Variants in RASSF6 observed in about 807,000 individuals in gnomAD.
RASSF6 encodes the protein ras association domain-containing protein 6.
A neutral mutation model predicts 44.0 loss-of-function variants in RASSF6; 52 were observed. That is an observed-to-expected ratio of 1.18 (90% CI 0.95 to 1.49). The LOEUF (loss-of-function observed/expected upper bound fraction) is 1.49. Ranked by LOEUF, RASSF6 falls within the 40% of genes most tolerant of loss-of-function variation. The probability of loss-of-function intolerance (pLI) is 0.00; values close to 1 mark genes in which losing one functional copy is unlikely to be tolerated. For synonymous variants in RASSF6, 162 were observed against 124.6 expected, an observed-to-expected ratio of 1.30 and a Z score of -2.00; for missense variants, 464 against 393.3, an observed-to-expected ratio of 1.18 and a Z score of -1.52.
At position 73,576,503 on chromosome 4, in the gene RASSF6, G is replaced by C; in HGVS notation, c.845C>G (p.Ala282Gly). 6.4e-7 allele frequency: 1 copy of C among 1,571,596 alleles called. No homozygotes were observed. Among genetic ancestry groups the C allele is most frequent in the South Asian group, 1.2e-5 (1 of 85,138 alleles). ...AGAAAAGTGAAAGTTAATGTACTGA[G>C]CCACCTAAGAAAGAAGAAGAAGAAA... is the stretch of plus-strand genomic sequence containing the variant. ...KDAEEISSDV[A>G]QYINFHFSLL... The change falls in exon 10 of 11, where the codon GCT becomes GGT. Residue 282 changes from alanine (A) to glycine (G), a missense_variant. By Grantham distance (60) the Ala-to-Gly change is moderately conservative (BLOSUM62 0). Transcript: ENST00000307439.
intron 2 of RASSF6, among the ~76,000 whole-genome samples, chr4:73,604,892 T>C (rs1725523526): frequency 6.6e-6 from 1 of 150,582 alleles, no homozygotes; most frequent in East Asian, 1.9e-4. Flanking sequence ...TTCTTTTTTT[T>C]TTTTTTTGTT....
At chr4:73,600,993 G>A (rs1725247942) in intron 2 of RASSF6, among the ~76,000 whole-genome samples, 2 of 152,188 alleles carry the variant, frequency 1.3e-5, no homozygotes, top group South Asian at 2.1e-4. Flanking sequence ...AAACTTCAGG[G>A]ACACTTGGGA....
At position 73,593,544 on chromosome 4, in the gene RASSF6, C is replaced by A; in HGVS notation, c.194G>T (p.Gly65Val). ...TTTTAGCTGTATAGGTCGTTTTACT[C>A]CCCAGAAAATGTCCAGCATTCCTTC... ...IVEGMLDIFW[G>V]VKRPIQLKIQ... is the part of the protein sequence containing the mutation. Residue 65 changes from glycine to valine, a missense_variant, in exon 4 of 11, where the codon GGA becomes GTA. By Grantham distance (109) the Gly-to-Val change is moderately radical. Transcript: ENST00000307439. 6.2e-7 allele frequency: 1 copy of A among 1,613,412 alleles called. No individual in the cohort carries two copies. The highest frequency in any genetic ancestry group is 8.5e-7 in the Non-Finnish European group (1 of 1,179,742).
At chr4:73,598,168 T>C (rs1234768607) in intron 3 of RASSF6, among the ~76,000 whole-genome samples, 1 of 152,252 alleles carries the variant, frequency 6.6e-6, no homozygotes, top group Admixed American at 6.5e-5. Context: ...CTTTCTTTAA[T>C]ATTTCAAAAT....
rs1722933064 is a variant in RASSF6, at chr4:73,571,752, A to G, written c.*4483T>C. The stretch of plus-strand genomic sequence containing the variant: ...ACAATATTAGGTACAGAAAAGCTAT[A>G]AAGATAAATGTGACACATTCTTTAC... On this transcript the variant is annotated 3_prime_UTR_variant, in exon 11 of 11. Transcript: ENST00000307439. 1 of 151,984 alleles carries G rather than the reference A, an allele frequency of 6.6e-6. No individual in the cohort carries two copies. The highest frequency in any genetic ancestry group is 1.5e-5 in the Non-Finnish European group (1 of 67,980). 9.4% of individuals were successfully genotyped at this position (151,984 alleles called of 1,614,324 possible). A position where few individuals can be genotyped will look rare whatever the true frequency, so the allele number is the denominator to read the frequency against.
At chr4:73,617,468 G>T (rs1206380079) in intron 1 of RASSF6, among the ~76,000 whole-genome samples, 1 of 152,186 alleles carries the variant, frequency 6.6e-6, no homozygotes, top group Non-Finnish European at 1.5e-5. Context: ...TACTGGTGTG[G>T]TGGAACTCAA....
intron 6 of RASSF6, among the ~76,000 whole-genome samples, chr4:73,583,842 A>G (rs1025163173): frequency 6.6e-6 from 1 of 152,114 alleles, no homozygotes; most frequent in African/African-American, 2.4e-5. Context: ...AGTAAGAAGA[A>G]TGAAACTTGC....
Position 73,571,988 on chromosome 4 carries a change from G to A in RASSF6, c.*4247C>T, listed in dbSNP as rs910859850. 2.0e-4 allele frequency: 31 copies of A among 151,922 alleles called. No homozygotes were observed. Among genetic ancestry groups the A allele is most frequent in the African/African-American group, 6.8e-4 (28 of 41,336 alleles). The allele number at this position is 151,922 out of a possible 1,614,324, so 9.4% of individuals were successfully genotyped here. ...TGTAACAAATTGCCCCAAATTTAGC[G>A]GCGTACTACAACAAACACTTCTTAT... On this transcript the variant is annotated 3_prime_UTR_variant, in exon 11 of 11. Transcript: ENST00000307439.
intron 2 of RASSF6, among the ~76,000 whole-genome samples, chr4:73,605,072 T>C (rs1462845014): frequency 6.6e-6 from 1 of 151,900 alleles, no homozygotes; most frequent in Admixed American, 6.6e-5. Flanking sequence ...GTATTTTCAG[T>C]AGAGATGGGG....
intron 2 of RASSF6, among the ~76,000 whole-genome samples, chr4:73,605,224 A>T (rs1725543523): frequency 6.6e-6 from 1 of 152,202 alleles, no homozygotes; most frequent in Non-Finnish European, 1.5e-5. Context: ...TGATACTTTC[A>T]TGATATTTTT....
At chr4:73,580,561 C>T (rs1723555332) in intron 8 of RASSF6, among the ~76,000 whole-genome samples, 1 of 150,100 alleles carries the variant, frequency 6.7e-6, no homozygotes, top group South Asian at 2.1e-4. Context: ...TAATGATTGC[C>T]ATTCTAACTG....
chr4:73,607,144 A>G, intron 2 of RASSF6, among the ~76,000 whole-genome samples: 1 of 152,226 alleles, frequency 6.6e-6, no homozygotes, highest in East Asian at 1.9e-4. Context: ...TCTCCACACT[A>G]AATCCAGAGT....
At chr4:73,612,526 G>C (rs552207038) in intron 1 of RASSF6, among the ~76,000 whole-genome samples, 101 of 148,096 alleles carry the variant, frequency 6.8e-4, no homozygotes, top group South Asian at 1.9e-3. Flanking sequence ...TAAGGGGGTG[G>C]ATTTCCTCCT....
intron 3 of RASSF6, among the ~76,000 whole-genome samples, chr4:73,595,676 C>T (rs1012010058): frequency 6.6e-6 from 1 of 151,144 alleles, no homozygotes; most frequent in Admixed American, 6.6e-5. Context: ...CCTAGTTTTA[C>T]TCTTTTCCTA....
rs35609056 is a variant in RASSF6 at position 73,604,884 on chromosome 4, C to CTT, written c.66-6168_66-6167dup. ...ATATACCTTATAAATCATTTTCTTTCTTTTTTTTTTTTTTTGTTTTTTGAG... is the reference window on the plus strand; with the variant it reads ...ATATACCTTATAAATCATTTTCTTTCTTTTTTTTTTTTTTTTTGTTTTTTGAG... On this transcript the variant is annotated intron_variant, in intron 2 of 10. Transcript: ENST00000307439. Among the ~76,000 whole-genome samples, 1,368 of 138,166 alleles carry CTT rather than the reference C, an allele frequency of 9.9e-3. 12 individuals are homozygous for CTT. The highest frequency in any genetic ancestry group is 0.022 in the African/African-American group (816 of 37,532). 90.6% of individuals were successfully genotyped at this position (138,166 alleles called of 152,430 possible). A position where few individuals can be genotyped will look rare whatever the true frequency, so the allele number is the denominator to read the frequency against.
Position 73,608,543 on chromosome 4 carries a change from A to G in RASSF6, c.65+3188T>C, listed in dbSNP as rs186909795. Among the ~76,000 whole-genome samples the G allele has an allele frequency of 1.9e-4, 29 of 152,350 alleles. No individual in the cohort carries two copies. The East Asian group carries it at 3.3e-3, about 17-fold the overall frequency. On this transcript the variant is annotated intron_variant, in intron 2 of 10. Coordinates refer to ENST00000307439, the MANE Select transcript of RASSF6 (RefSeq NM_177532.5). ...TTTTCATTTCACTGGGTCATCAAAC[A>G]TGGATAATGTGAATTTTTAAAAACA... is the stretch of plus-strand genomic sequence containing the variant.
chr4:73,601,033 G>A (rs546086149), intron 2 of RASSF6, among the ~76,000 whole-genome samples: 23 of 152,222 alleles, frequency 1.5e-4, no homozygotes, highest in South Asian at 4.1e-4. Context: ...AGCTGTGAGA[G>A]TTGTTATGAA....
At chr4:73,584,682 T>C (rs563803517) in intron 6 of RASSF6, among the ~76,000 whole-genome samples, 9 of 152,150 alleles carry the variant, frequency 5.9e-5, no homozygotes, top group Non-Finnish European at 1.3e-4. Context: ...TTGTAGCACT[T>C]ACATTATTCC....
chr4:73,617,651 C>T (rs1008901626), intron 1 of RASSF6, among the ~76,000 whole-genome samples: 2 of 152,138 alleles, frequency 1.3e-5, no homozygotes, highest in African/African-American at 4.8e-5. Flanking sequence ...AGTTAACATC[C>T]TTATTACTTA....
Sources: gnomAD v4.1 joint callset for allele counts (sites outside exome capture counted in the v4.1 genomes callset) on GRCh38, gnomAD v4.1.1 for gene constraint, MANE v1.5 for transcripts, NCBI Gene and HGNC (gene_info 2026-07-23, HGNC 2026-07-21) for gene names.